Variants in AK8 observed in about 807,000 individuals in gnomAD.
AK8 encodes the protein ATP-AMP transphosphorylase 8.
A neutral mutation model predicts 54.6 loss-of-function variants in AK8; 44 were observed. The ratio of observed to expected loss-of-function variants is 0.81; its 90% CI spans 0.63 to 1.04. The LOEUF (loss-of-function observed/expected upper bound fraction) is 1.04. Among genes scored for constraint, AK8 ranks in the 50% least tolerant of loss-of-function variants. The pLI is 0.00. For synonymous variants in AK8, 239 were observed against 245.6 expected (o/e 0.97, Z 0.25); for missense variants, 555 against 613.6 (o/e 0.90, Z 1.01).
At chr9:132,783,008 TC>T (rs1264012075) in intron 11 of AK8, among the ~76,000 whole-genome samples, 3 of 152,214 alleles carry the variant, frequency 2.0e-5, no homozygotes, top group African/African-American at 7.2e-5. Flanking sequence ...TCCAAGATGT[TC>T]ACCTCTTAAT....
intron 11 of AK8, among the ~76,000 whole-genome samples, chr9:132,745,262 G>C (rs1837587526): frequency 6.6e-6 from 1 of 152,202 alleles, no homozygotes; most frequent in Non-Finnish European, 1.5e-5. Flanking sequence ...TAGTTGATTT[G>C]ATGGGATGAG....
At chr9:132,836,715 T>C (rs1168738488) in intron 5 of AK8, among the ~76,000 whole-genome samples, 1 of 152,192 alleles carries the variant, frequency 6.6e-6, no homozygotes, top group Admixed American at 6.5e-5. Flanking sequence ...TGCGGGGGTC[T>C]AGTGAGTTAA....
chr9:132,747,281 C>T (rs534443061), intron 11 of AK8, among the ~76,000 whole-genome samples: 2 of 151,726 alleles, frequency 1.3e-5, no homozygotes, highest in South Asian at 4.2e-4. Context: ...GCTGGGACTA[C>T]AGGCGTGTGC....
rs1210039730 is a variant in AK8, at chr9:132,837,046, C to A, written c.403-8320G>T. On this transcript the variant is annotated intron_variant, in intron 5 of 12. Coordinates refer to ENST00000298545, the MANE Select transcript of AK8 (RefSeq NM_152572.3). The surrounding 1 kb of genome is among the most constrained non-coding windows in gnomAD (Gnocchi z 4.3). Reference sequence around the variant, plus strand: ...CCTAAGAATGGGAGAACGGGCCAGGCGTGGTGGTTCACGCCTATAATCCCA... The same window carrying A: ...CCTAAGAATGGGAGAACGGGCCAGGAGTGGTGGTTCACGCCTATAATCCCA... 6.6e-6 allele frequency among the ~76,000 whole-genome samples: 1 copy of A among 152,116 alleles called. No homozygotes were observed. The highest frequency in any genetic ancestry group is 1.5e-5 in the Non-Finnish European group (1 of 68,028).
chr9:132,765,168 T>G (rs1316563997), intron 11 of AK8, among the ~76,000 whole-genome samples: 1 of 151,712 alleles, frequency 6.6e-6, no homozygotes. Flanking sequence ...TGGCACGCAC[T>G]TGTAGTCCCA....
intron 11 of AK8, among the ~76,000 whole-genome samples, chr9:132,751,050 C>T (rs1837897852): frequency 6.6e-6 from 1 of 151,956 alleles, no homozygotes; most frequent in Non-Finnish European, 1.5e-5. Flanking sequence ...TAAAGCTTTT[C>T]CACGTCTTTG....
chr9:132,816,838 A>T (rs1841352624), intron 9 of AK8, among the ~76,000 whole-genome samples: 1 of 152,216 alleles, frequency 6.6e-6, no homozygotes, highest in Non-Finnish European at 1.5e-5. Flanking sequence ...ACAGATCAGC[A>T]GTCTCACTGG....
rs183608002 is a variant in AK8, at chr9:132,824,130, C to T, written c.758-794G>A. On this transcript the variant is annotated intron_variant, in intron 8 of 12. Coordinates refer to ENST00000298545, the MANE Select transcript of AK8 (RefSeq NM_152572.3). ...AGGGCAAAGCTACTGAACATCAAACCAGGTCACCTCCCGCTGGAGCTCAGA... is the reference window on the plus strand; with the variant it reads ...AGGGCAAAGCTACTGAACATCAAACTAGGTCACCTCCCGCTGGAGCTCAGA... Among the ~76,000 whole-genome samples, 9 of 152,332 alleles carry T rather than the reference C, an allele frequency of 5.9e-5. No homozygotes were observed. The East Asian group carries it at 1.7e-3, about 29-fold the overall frequency.
chr9:132,850,147 G>A (rs1164927126), intron 5 of AK8, among the ~76,000 whole-genome samples: 1 of 146,856 alleles, frequency 6.8e-6, no homozygotes, highest in African/African-American at 2.5e-5. Context: ...TCCACCTCCT[G>A]GGTTCAAGCC....
chr9:132,827,488 C>A, intron 7 of AK8: 1 of 217,274 alleles, frequency 4.6e-6, no homozygotes. Context: ...CTCTATCTGC[C>A]ACCACAGCGT....
chr9:132,807,999 G>A (rs965357370), intron 10 of AK8, among the ~76,000 whole-genome samples: 1 of 152,072 alleles, frequency 6.6e-6, no homozygotes, highest in Non-Finnish European at 1.5e-5. Flanking sequence ...CTTGAGTTCA[G>A]AGAGGAAAGA....
At chr9:132,764,239 G>A (rs925368705) in intron 11 of AK8, among the ~76,000 whole-genome samples, 1 of 152,164 alleles carries the variant, frequency 6.6e-6, no homozygotes, top group African/African-American at 2.4e-5. Flanking sequence ...GAGCCTGGGA[G>A]GTAGACGTTG....
chr9:132,767,656 C>G (rs1441947631), intron 11 of AK8, among the ~76,000 whole-genome samples: 1 of 152,084 alleles, frequency 6.6e-6, no homozygotes, highest in African/African-American at 2.4e-5. Context: ...ATCTGCATGC[C>G]CATGTTTACT....
At chr9:132,861,550 T>C (rs879583114) in intron 4 of AK8, 4 of 152,168 alleles carry the variant, frequency 2.6e-5, no homozygotes, top group Non-Finnish European at 4.4e-5. Context: ...AGAATAGTGC[T>C]TGGCAAAAAG....
intron 11 of AK8, among the ~76,000 whole-genome samples, chr9:132,753,672 G>A (rs529582660): frequency 2.0e-5 from 3 of 152,190 alleles, no homozygotes; most frequent in African/African-American, 7.2e-5. Context: ...CAGCTGGGGC[G>A]GAAGGGCACC....
intron 10 of AK8, among the ~76,000 whole-genome samples, chr9:132,797,952 C>T (rs189731257): frequency 6.6e-6 from 1 of 152,310 alleles, no homozygotes; most frequent in East Asian, 1.9e-4. Context: ...AGCAGTCCTG[C>T]GAAAGCTCCT....
chr9:132,849,572 G>C (rs1441129667), intron 5 of AK8, among the ~76,000 whole-genome samples: 1 of 152,198 alleles, frequency 6.6e-6, no homozygotes, highest in Non-Finnish European at 1.5e-5. Context: ...CACTCACAGT[G>C]AACAATTTGA....
chr9:132,877,991 G>C, intron 1 of AK8, 181 bp downstream of exon 1: 1 of 1,464,054 alleles, frequency 6.8e-7, no homozygotes, highest in South Asian at 1.2e-5. Flanking sequence ...AGGACCAGGA[G>C]CGTCCCCAGC....
intron 11 of AK8, among the ~76,000 whole-genome samples, chr9:132,730,094 T>G (rs1836765011): frequency 6.6e-6 from 1 of 152,150 alleles, no homozygotes; most frequent in Non-Finnish European, 1.5e-5. Context: ...TAAATATGGT[T>G]TCAGGAGGGG....
Sources: gnomAD v4.1 joint callset for allele counts (sites outside exome capture counted in the v4.1 genomes callset) on GRCh38, gnomAD v4.1.1 for gene constraint, Gnocchi (gnomAD v3.1) non-coding constraint, MANE v1.5 for transcripts, NCBI Gene and HGNC (gene_info 2026-07-23, HGNC 2026-07-21) for gene names.